The following FSTL4 variants were observed in gnomAD, a reference collection of about 807,000 sequenced individuals.
FSTL4 encodes follistatin like 4, also known as follistatin-related protein 4.
A neutral mutation model predicts 78.2 loss-of-function variants in FSTL4; 28 were observed. The ratio of observed to expected loss-of-function variants is 0.36; its 90% confidence interval spans 0.27 to 0.49. The LOEUF (loss-of-function observed/expected upper bound fraction) is 0.49, where lower values mean the gene tolerates loss of function less well. FSTL4 is among the 20% of genes least tolerant of loss of function. The pLI is 0.98. For synonymous variants in FSTL4, 422 were observed against 440.5 expected (o/e 0.96, Z 0.53); for missense variants, 922 against 1,084.9 (o/e 0.85, Z 2.11).
At chr5:133,451,000 G>A (rs971366406) in intron 3 of FSTL4, among the ~76,000 whole-genome samples, 1 of 152,146 alleles carries the variant, frequency 6.6e-6, no homozygotes. Flanking sequence ...GGAGAGGCAT[G>A]ATGGGAGGGA....
intron 2 of FSTL4, among the ~76,000 whole-genome samples, chr5:133,594,062 G>C (rs1240745656): frequency 6.6e-6 from 1 of 152,204 alleles, no homozygotes; most frequent in Non-Finnish European, 1.5e-5. Flanking sequence ...GATTGGCCAA[G>C]CCAGCCCAGG....
rs189550243 is a variant in FSTL4 at position 133,513,951 on chromosome 5, G to A, written c.160+53235C>T. On this transcript the variant is annotated intron_variant, in intron 3 of 15. Coordinates refer to ENST00000265342, the MANE Select transcript of FSTL4 (RefSeq NM_015082.2). ...CCCAGAACTTTGGGAGGCCAAGGCCGGTGGATCACGAGGTCAGGAGATCGA... is the reference window on the plus strand; with the variant it reads ...CCCAGAACTTTGGGAGGCCAAGGCCAGTGGATCACGAGGTCAGGAGATCGA... Among the ~76,000 whole-genome samples the A allele has an allele frequency of 8.7e-3, 1,321 of 152,232 alleles. 17 individuals are homozygous for A. The highest frequency in any genetic ancestry group is 0.03 in the African/African-American group (1,242 of 41,532).
At chr5:133,257,923 A>G (rs887501588) in intron 6 of FSTL4, among the ~76,000 whole-genome samples, 1 of 152,230 alleles carries the variant, frequency 6.6e-6, no homozygotes, top group Non-Finnish European at 1.5e-5. Flanking sequence ...TAAGGGGGAA[A>G]AGAATGTATT....
chr5:133,672,400 C>T, the FSTL4 span, among the ~76,000 whole-genome samples: 4 of 152,140 alleles, frequency 2.6e-5, no homozygotes, highest in African/African-American at 9.7e-5. Context: ...TTGGTTTAAG[C>T]CAGTGCGATT....
At chr5:133,362,887 A>C (rs1461931445) in intron 4 of FSTL4, among the ~76,000 whole-genome samples, 1 of 152,168 alleles carries the variant, frequency 6.6e-6, no homozygotes, top group Non-Finnish European at 1.5e-5. Flanking sequence ...TCTCCTTTTT[A>C]AATCACTCAT....
At chr5:133,788,719 C>T in the FSTL4 span, among the ~76,000 whole-genome samples, 1 of 152,220 alleles carries the variant, frequency 6.6e-6, no homozygotes, top group African/African-American at 2.4e-5. Flanking sequence ...ATAAACACTT[C>T]CACTACTTCT....
the FSTL4 span, among the ~76,000 whole-genome samples, chr5:133,792,447 C>A: frequency 6.6e-6 from 1 of 152,236 alleles, no homozygotes; most frequent in Admixed American, 6.5e-5. Context: ...CCCTGCCCTG[C>A]AACCTCATTC....
intron 3 of FSTL4, among the ~76,000 whole-genome samples, chr5:133,483,031 G>C (rs1030655649): frequency 7.2e-5 from 11 of 152,164 alleles, no homozygotes; most frequent in African/African-American, 2.7e-4. Flanking sequence ...TGTGTCGTGG[G>C]AGGGACCCAG....
At chr5:133,580,898 C>T (rs1335630656) in intron 2 of FSTL4, among the ~76,000 whole-genome samples, 1 of 152,186 alleles carries the variant, frequency 6.6e-6, no homozygotes, top group African/African-American at 2.4e-5. Flanking sequence ...GCCCTCTCCA[C>T]ACCCGCCTCC....
Position 133,217,240 on chromosome 5 carries a change from T to C in FSTL4, c.1597A>G (p.Lys533Glu). Residue 533 changes from lysine (K) to glutamate (E), a missense_variant, in exon 13 of 16, where the codon AAA becomes GAA. Lys to Glu is a moderately conservative substitution (Grantham distance 56). Coordinates refer to ENST00000265342, the MANE Select transcript of FSTL4 (RefSeq NM_015082.2). ...RVLVVDIQAQ[K>E]VLQSIGVDPL... ...TTAAAGAGGTGTACCTGTAGGACTT[T>C]CTGGGCTTGGATGTCGACCACAAGG... is the stretch of plus-strand genomic sequence containing the variant. The C allele has an allele frequency of 6.2e-7, 1 of 1,613,878 alleles. No homozygotes were observed. The highest frequency in any genetic ancestry group is 8.5e-7 in the Non-Finnish European group (1 of 1,179,828).
chr5:133,366,821 G>A (rs6865021), intron 4 of FSTL4, among the ~76,000 whole-genome samples: 14,766 of 151,862 alleles, frequency 0.097, 961 homozygotes, highest in African/African-American at 0.19. Context: ...CAAGACTCCA[G>A]TTTTGAACTG....
At chr5:133,677,062 C>T in the FSTL4 span, among the ~76,000 whole-genome samples, 2 of 152,208 alleles carry the variant, frequency 1.3e-5, no homozygotes, top group Admixed American at 6.5e-5. Flanking sequence ...TTCATTAGTA[C>T]ATTCGTGCTC....
chr5:133,745,186 C>T, the FSTL4 span, among the ~76,000 whole-genome samples: 1 of 152,390 alleles, frequency 6.6e-6, no homozygotes, highest in African/African-American at 2.4e-5. Context: ...AGTGAGGGCA[C>T]TTGCTCCTCA....
chr5:133,336,039 T>C (rs1020784661), intron 4 of FSTL4, among the ~76,000 whole-genome samples: 2 of 152,218 alleles, frequency 1.3e-5, no homozygotes, highest in African/African-American at 4.8e-5. Flanking sequence ...TGTGAATTCA[T>C]GAGCATGTGA....
At chr5:133,521,801 C>T (rs190942865) in intron 3 of FSTL4, among the ~76,000 whole-genome samples, 1 of 152,222 alleles carries the variant, frequency 6.6e-6, no homozygotes, top group African/African-American at 2.4e-5. Context: ...GCAGCCATGA[C>T]ACTGCACCCA....
chr5:133,488,484 C>T (rs1378485663), intron 3 of FSTL4, among the ~76,000 whole-genome samples: 2 of 152,108 alleles, frequency 1.3e-5, no homozygotes, highest in African/African-American at 4.8e-5. Flanking sequence ...TAACTCCTGA[C>T]CTCAAGTGAT....
At chr5:133,343,112 A>C (rs1431686901) in intron 4 of FSTL4, among the ~76,000 whole-genome samples, 1 of 152,170 alleles carries the variant, frequency 6.6e-6, no homozygotes, top group Non-Finnish European at 1.5e-5. Flanking sequence ...ATTATTGTGC[A>C]TCATCACAAG....
At chr5:133,316,700 T>C (rs760386344) in intron 4 of FSTL4, 48 bp from the exon 5 acceptor site, 17 of 1,488,330 alleles carry the variant, frequency 1.1e-5, no homozygotes, top group South Asian at 3.6e-5. Flanking sequence ...CCCGTGGTCT[T>C]GAGAGAACAT....
In FSTL4 at chr5:133,387,296, G is replaced by C. The variant is rs6883137; in HGVS notation, c.409+13442C>G. 4.1e-3 allele frequency among the ~76,000 whole-genome samples: 625 copies of C among 152,298 alleles called. 3 individuals are homozygous for C. Among genetic ancestry groups the C allele is most frequent in the African/African-American group, 0.013 (552 of 41,562 alleles). On this transcript the variant is annotated intron_variant, in intron 4 of 15. Coordinates refer to ENST00000265342, the MANE Select transcript of FSTL4 (RefSeq NM_015082.2). ...GCCGTCATTTACAAGTCCAGTAACT[G>C]GGAAAGTTATCTGGCTTCTCTTTGC...
Sources: gnomAD v4.1 joint callset for allele counts (sites outside exome capture counted in the v4.1 genomes callset) on GRCh38, gnomAD v4.1.1 for gene constraint, MANE v1.5 for transcripts, NCBI Gene and HGNC (gene_info 2026-07-23, HGNC 2026-07-21) for gene names.